The following AASDH variants were observed in gnomAD, a reference collection of about 807,000 sequenced individuals.
AASDH encodes the protein beta-alanine-activating enzyme.
In AASDH, 81 loss-of-function variants were observed where a neutral mutation model predicts 102.3. That is an observed-to-expected ratio of 0.79 (90% CI 0.66 to 0.95). AASDH has a LOEUF of 0.95. AASDH is among the 40% of genes least tolerant of loss of function. The pLI, the probability that AASDH is intolerant of heterozygous loss-of-function variation, is 0.00. For missense variants in AASDH, 1,203 were observed against 1,266.2 expected, an observed-to-expected ratio of 0.95 and a Z score of 0.76; for synonymous variants, 398 against 454.0, an observed-to-expected ratio of 0.88 and a Z score of 1.57.
At chr4:56,352,992 G>A (rs990287489) in intron 9 of AASDH, among the ~76,000 whole-genome samples, 2 of 151,678 alleles carry the variant, frequency 1.3e-5, no homozygotes, top group Non-Finnish European at 1.5e-5. Context: ...AATGATTTTT[G>A]GAAAATTACC....
rs1332334550 is a variant in AASDH at position 56,349,640 on chromosome 4, G to A, written c.2111C>T (p.Ser704Leu). ...RFLTKLGHCSSACPSDSVSQT... is the reference protein window; with the variant it reads ...RFLTKLGHCSLACPSDSVSQT... ...TGAAACTGAGTCAGAAGGACAGGCTGAAGAGCAATGTCCTAACTTTGTTAA... is the reference window on the plus strand; with the variant it reads ...TGAAACTGAGTCAGAAGGACAGGCTAAAGAGCAATGTCCTAACTTTGTTAA... Residue 704 changes from serine to leucine, a missense_variant, in exon 11 of 15, where the codon TCA (serine) becomes TTA (leucine). Ser to Leu is a moderately radical substitution (Grantham distance 145). Coordinates refer to ENST00000205214, the MANE Select transcript of AASDH (RefSeq NM_181806.4). 1.2e-6 allele frequency: 2 copies of A among 1,614,200 alleles called. No individual in the cohort carries two copies. Among genetic ancestry groups the A allele is most frequent in the East Asian group, 4.5e-5 (2 of 44,888 alleles).
chr4:56,340,466 T>G (rs1453380305), intron 14 of AASDH, among the ~76,000 whole-genome samples: 1 of 151,992 alleles, frequency 6.6e-6, no homozygotes, highest in African/African-American at 2.4e-5. Flanking sequence ...AAATTGGAGC[T>G]CTCTCTACAT....
chr4:56,363,650 C>T (rs1750605784), intron 5 of AASDH, among the ~76,000 whole-genome samples: 1 of 152,214 alleles, frequency 6.6e-6, no homozygotes, highest in Non-Finnish European at 1.5e-5. Flanking sequence ...AACAGACCTG[C>T]AGCTGGGGGT....
rs752422032 is a variant in AASDH at position 56,349,575 on chromosome 4, C to A, written c.2176G>T (p.Val726Phe). 2.4e-5 allele frequency: 39 copies of A among 1,614,066 alleles called. No individual in the cohort carries two copies. The East Asian group carries it at 7.1e-4, about 29-fold the overall frequency. Residue 726 changes from valine to phenylalanine, a missense_variant, in exon 11 of 15, where the codon GTT becomes TTT. Coordinates refer to ENST00000205214, the MANE Select transcript of AASDH (RefSeq NM_181806.4). ...IQNLKGLNSP[V>F]LIGKSKDPSC... ...GGATCTTTTGACTTCCCAATAAGAA[C>A]TGGAGAATTTAAGCCTTTCAAATTT...
At chr4:56,353,177 C>T (rs776034311) in intron 9 of AASDH, among the ~76,000 whole-genome samples, 4 of 152,098 alleles carry the variant, frequency 2.6e-5, no homozygotes, top group Non-Finnish European at 4.4e-5. Flanking sequence ...AACTACTTAA[C>T]CTCTTTAAGC....
chr4:56,384,141 A>C lies in AASDH; in HGVS notation c.159T>G (p.Cys53Trp). Reference protein sequence around the residue: ...SELSNFLLLHCDFQGIREIGL... With the variant: ...SELSNFLLLHWDFQGIREIGL... ...CAATTTCCCGAATTCCTTGAAAGTC[A>C]CAGTGTAACAGCAGAAAATTTGATA... Residue 53 changes from cysteine (C) to tryptophan (W), a missense_variant, in exon 2 of 15, where the codon TGT becomes TGG. By Grantham distance (215) the Cys-to-Trp change is radical (BLOSUM62 -2). Transcript: ENST00000205214. 1 of 1,614,178 alleles carries C rather than the reference A, an allele frequency of 6.2e-7. No homozygotes were observed. Among genetic ancestry groups the C allele is most frequent in the African/African-American group, 1.3e-5 (1 of 75,056 alleles).
intron 14 of AASDH, among the ~76,000 whole-genome samples, chr4:56,342,540 C>T (rs1328739988): frequency 6.6e-6 from 1 of 151,934 alleles, no homozygotes; most frequent in African/African-American, 2.4e-5. Flanking sequence ...GGGGAGATGA[C>T]AAAAGAAGTG....
Position 56,349,772 on chromosome 4 carries a change from G to C in AASDH, c.1979C>G (p.Ser660Cys). 1.9e-6 allele frequency: 3 copies of C among 1,614,192 alleles called. No homozygotes were observed. Among genetic ancestry groups the C allele is most frequent in the Non-Finnish European group, 2.5e-6 (3 of 1,180,030 alleles). ...DINQEEASGT[S>C]LHQKAIMTFT... The stretch of plus-strand genomic sequence containing the variant: ...AGTCATGATGGCTTTCTGATGTAAA[G>C]ATGTTCCACTGGCTTCCTCTTGATT... Residue 660 changes from serine (S) to cysteine (C), a missense_variant, in exon 11 of 15, where the codon TCT becomes TGT. Ser to Cys is a moderately radical substitution (Grantham distance 112). Transcript: ENST00000205214.
chr4:56,366,019 A>G (rs1307068259), intron 5 of AASDH, among the ~76,000 whole-genome samples: 1 of 152,214 alleles, frequency 6.6e-6, no homozygotes, highest in African/African-American at 2.4e-5. Flanking sequence ...TAGATGCAAT[A>G]AAAAATGACA....
chr4:56,351,063 C>T (rs1486709749), intron 10 of AASDH, among the ~76,000 whole-genome samples: 4 of 152,188 alleles, frequency 2.6e-5, no homozygotes, highest in African/African-American at 9.6e-5. Context: ...CACCGATCCT[C>T]TTAGAGAAAA....
chr4:56,342,615 T>C (rs1000711761), intron 14 of AASDH, among the ~76,000 whole-genome samples: 1 of 152,052 alleles, frequency 6.6e-6, no homozygotes, highest in Non-Finnish European at 1.5e-5. Context: ...AAGAAATCCA[T>C]GGCTTCACAA....
At chr4:56,379,703 C>CT (rs1300713109) in intron 3 of AASDH, among the ~76,000 whole-genome samples, 2 of 152,174 alleles carry the variant, frequency 1.3e-5, no homozygotes, top group African/African-American at 4.8e-5. Flanking sequence ...ATGCCGAACT[C>CT]TGCCTAGAAG....
In AASDH at chr4:56,370,312, C is replaced by T. The variant is rs542516226; in HGVS notation, c.861+1139G>A. On this transcript the variant is annotated intron_variant, in intron 5 of 14. Coordinates refer to ENST00000205214, the MANE Select transcript of AASDH (RefSeq NM_181806.4). ...CAGGAGGCAGAGTGAGCCAAGATCACGCCACTTCACTGCAGCCTGGGCAAC... is the reference window on the plus strand; with the variant it reads ...CAGGAGGCAGAGTGAGCCAAGATCATGCCACTTCACTGCAGCCTGGGCAAC... 3.9e-4 allele frequency among the ~76,000 whole-genome samples: 59 copies of T among 151,594 alleles called. No homozygotes were observed. In the South Asian group the frequency reaches 0.01, roughly 26 times the overall value.
At chr4:56,345,869 TA>T (rs1297854908) in intron 11 of AASDH, among the ~76,000 whole-genome samples, 1 of 152,206 alleles carries the variant, frequency 6.6e-6, no homozygotes, top group Non-Finnish European at 1.5e-5. Flanking sequence ...CACAGTGAAG[TA>T]AGTACTATTA....
chr4:56,382,714 G>A (rs150931087), intron 2 of AASDH, 117 bp from the exon 3 acceptor site: 47 of 1,196,058 alleles, frequency 3.9e-5, no homozygotes, highest in Non-Finnish European at 3.6e-5. Context: ...AATGGTTTCC[G>A]GAGCACTTTA....
At chr4:56,368,393 C>A (rs913333798) in intron 5 of AASDH, among the ~76,000 whole-genome samples, 8 of 152,142 alleles carry the variant, frequency 5.3e-5, no homozygotes, top group Non-Finnish European at 1.2e-4. Context: ...GATTATAAAT[C>A]ATGCTGCTAT....
chr4:56,358,382 A>C (rs1402150455), intron 5 of AASDH, among the ~76,000 whole-genome samples: 1 of 150,422 alleles, frequency 6.6e-6, no homozygotes, highest in Non-Finnish European at 1.5e-5. Context: ...AACCACCAGA[A>C]TGTTGAAGTG....
chr4:56,370,258 G>A (rs375033727), intron 5 of AASDH, among the ~76,000 whole-genome samples: 3 of 151,986 alleles, frequency 2.0e-5, no homozygotes, highest in Non-Finnish European at 2.9e-5. Context: ...AGCTACTCAG[G>A]AGACTGAGGC....
chr4:56,385,020 G>C (rs1323878799), intron 1 of AASDH, among the ~76,000 whole-genome samples: 1 of 152,196 alleles, frequency 6.6e-6, no homozygotes, highest in African/African-American at 2.4e-5. Flanking sequence ...GTTGCAGTGA[G>C]CCAAGACGGC....
Sources: gnomAD v4.1 joint callset for allele counts (sites outside exome capture counted in the v4.1 genomes callset) on GRCh38, gnomAD v4.1.1 for gene constraint, MANE v1.5 for transcripts, NCBI Gene and HGNC (gene_info 2026-07-23, HGNC 2026-07-21) for gene names.